The following NCKAP1 variants were observed in gnomAD, a reference collection of about 807,000 sequenced individuals.
NCKAP1 encodes nck-associated protein 1.
In NCKAP1, 21 loss-of-function variants were observed where a neutral mutation model predicts 151.2. That is an observed-to-expected ratio of 0.14 (90% CI 0.10 to 0.20). NCKAP1 has a LOEUF of 0.20. Among genes scored for constraint, NCKAP1 ranks in the 10% least tolerant of loss-of-function variants. The pLI is 1.00. For synonymous variants in NCKAP1, 484 were observed against 451.8 expected, an observed-to-expected ratio of 1.07 and a Z score of -0.90; for missense variants, 933 against 1,352.1, an observed-to-expected ratio of 0.69 and a Z score of 4.86.
At chr2:182,988,366 C>T (rs1698099314) in intron 9 of NCKAP1, among the ~76,000 whole-genome samples, 1 of 152,070 alleles carries the variant, frequency 6.6e-6, no homozygotes, top group Admixed American at 6.6e-5. Flanking sequence ...ATATATTCAA[C>T]ATAAGTATAG....
intron 28 of NCKAP1, 34 bp downstream of exon 28, chr2:182,928,749 A>T (rs2105798248): frequency 7.2e-7 from 1 of 1,384,568 alleles, no homozygotes; most frequent in Non-Finnish European, 1.0e-6. Context: ...CCCATGATTT[A>T]TTCATCGCCA....
chr2:183,010,197 G>C (rs1698565868), intron 2 of NCKAP1, among the ~76,000 whole-genome samples: 1 of 152,134 alleles, frequency 6.6e-6, no homozygotes, highest in South Asian at 2.1e-4. Context: ...TTCCCATCTT[G>C]GCTGGCCTTG....
chr2:182,928,755 C>T (rs373270936), intron 28 of NCKAP1, 28 bp downstream of exon 28: 6 of 1,437,958 alleles, frequency 4.2e-6, no homozygotes, highest in Middle Eastern at 1.8e-4. Context: ...ATTTATTCAT[C>T]GCCAAAACAA....
At chr2:182,976,431 T>G (rs1440136923) in intron 15 of NCKAP1, among the ~76,000 whole-genome samples, 1 of 152,206 alleles carries the variant, frequency 6.6e-6, no homozygotes, top group East Asian at 1.9e-4. Context: ...CCATGCCCAT[T>G]AAGTTATGTA....
chr2:183,016,462 T>C (rs986856061), intron 2 of NCKAP1, among the ~76,000 whole-genome samples: 5 of 152,200 alleles, frequency 3.3e-5, no homozygotes, highest in South Asian at 2.1e-4. Context: ...TAAAAGAACA[T>C]TGACATTTCA....
At chr2:182,981,111 G>T in intron 13 of NCKAP1, 133 bp downstream of exon 13, 1 of 1,150,920 alleles carries the variant, frequency 8.7e-7, no homozygotes, top group Non-Finnish European at 1.2e-6. Context: ...TCTAGGTAAT[G>T]ATCTCCAAAA....
At chr2:182,957,702 C>T (rs1210957401) in intron 18 of NCKAP1, 106 bp from the exon 19 acceptor site, 3 of 1,193,070 alleles carry the variant, frequency 2.5e-6, no homozygotes, top group African/African-American at 1.5e-5. Context: ...GCAAATATCA[C>T]AACAATATTA....
chr2:182,955,059 T>C (rs890277632), intron 20 of NCKAP1, among the ~76,000 whole-genome samples: 1 of 152,212 alleles, frequency 6.6e-6, no homozygotes, highest in Non-Finnish European at 1.5e-5. Flanking sequence ...TAGGGCATTC[T>C]GGGTTTTACT....
intron 2 of NCKAP1, among the ~76,000 whole-genome samples, chr2:183,015,367 G>A (rs1413475262): frequency 6.6e-6 from 1 of 151,834 alleles, no homozygotes; most frequent in Non-Finnish European, 1.5e-5. Context: ...AAAAGCGCAG[G>A]TAAAATCATC....
intron 16 of NCKAP1, 27 bp from the exon 17 acceptor site, chr2:182,964,835 A>G (rs1028567508): frequency 7.7e-6 from 12 of 1,552,762 alleles, no homozygotes; most frequent in Non-Finnish European, 2.6e-6. Flanking sequence ...CAGAATCACA[A>G]TTTTTACATT....
chr2:182,950,068 T>C (rs1308292788), intron 23 of NCKAP1, among the ~76,000 whole-genome samples: 1 of 152,118 alleles, frequency 6.6e-6, no homozygotes, highest in Non-Finnish European at 1.5e-5. Flanking sequence ...GAAAAATACA[T>C]GAATGTCACG....
rs751628220 is a variant in NCKAP1 at position 182,976,945 on chromosome 2, T to C, written c.1430A>G (p.Asp477Gly). ...TCCTCTGAAATCAAATACTTCCCCA[T>C]CTTCAACTGTAGTAATAGAAAAAAA... Reference protein sequence around the residue: ...MTSLSVKQVEDGEVFDFRGMR... With the variant: ...MTSLSVKQVEGGEVFDFRGMR... The change falls in exon 15 of 31, where the codon GAT becomes GGT. Residue 477 changes from aspartate to glycine, a missense_variant. By Grantham distance (94) the Asp-to-Gly change is moderately conservative. Coordinates refer to ENST00000361354, the MANE Select transcript of NCKAP1 (RefSeq NM_013436.5). 3 of 1,525,748 alleles carry C rather than the reference T, an allele frequency of 2.0e-6. No individual in the cohort carries two copies. The highest frequency in any genetic ancestry group is 2.0e-5 in the Admixed American group (1 of 49,464). 94.5% of individuals were successfully genotyped at this position (1,525,748 alleles called of 1,614,324 possible).
At chr2:182,990,639 T>C (rs1371404830) in intron 8 of NCKAP1, among the ~76,000 whole-genome samples, 7 of 152,192 alleles carry the variant, frequency 4.6e-5, no homozygotes, top group Admixed American at 4.6e-4. Context: ...CTACTATATA[T>C]ACAAGGTTCT....
intron 22 of NCKAP1, 125 bp from the exon 23 acceptor site, chr2:182,952,627 T>A (rs956516175): frequency 2.8e-6 from 3 of 1,083,156 alleles, no homozygotes; most frequent in Non-Finnish European, 3.9e-6. Flanking sequence ...GTCTCTAGAG[T>A]GAAAGAGAGA....
chr2:182,955,315 T>C (rs1697302671), intron 20 of NCKAP1, among the ~76,000 whole-genome samples: 1 of 152,174 alleles, frequency 6.6e-6, no homozygotes, highest in African/African-American at 2.4e-5. Context: ...TACAGAAACT[T>C]TGAAAACCTT....
At chr2:183,022,904 A>G (rs1698821418) in intron 2 of NCKAP1, 1 of 152,212 alleles carries the variant, frequency 6.6e-6, no homozygotes, top group African/African-American at 2.4e-5. Context: ...AAAGAGTAGA[A>G]CAAGGAGCTG....
intron 1 of NCKAP1, among the ~76,000 whole-genome samples, chr2:183,034,611 T>C (rs1326928438): frequency 6.6e-6 from 1 of 152,120 alleles, no homozygotes; most frequent in Non-Finnish European, 1.5e-5. Flanking sequence ...GTTGAACAGT[T>C]ATACAATTTC....
intron 8 of NCKAP1, among the ~76,000 whole-genome samples, chr2:182,991,422 G>C (rs982297296): frequency 2.0e-5 from 3 of 152,054 alleles, no homozygotes; most frequent in African/African-American, 7.2e-5. Flanking sequence ...AGCCAAGCAT[G>C]GTGGTGGGCA....
chr2:183,029,477 G>C (rs1382992089), intron 1 of NCKAP1, among the ~76,000 whole-genome samples: 1 of 150,666 alleles, frequency 6.6e-6, no homozygotes, highest in Non-Finnish European at 1.5e-5. Context: ...AAAAAATACA[G>C]ATTTTTAAAA....
Sources: gnomAD v4.1 joint callset for allele counts (sites outside exome capture counted in the v4.1 genomes callset) on GRCh38, gnomAD v4.1.1 for gene constraint, MANE v1.5 for transcripts, NCBI Gene and HGNC (gene_info 2026-07-23, HGNC 2026-07-21) for gene names.